Variants in GPC6 observed in about 807,000 individuals in gnomAD.
GPC6 encodes glypican-6.
A neutral mutation model predicts 55.2 loss-of-function variants in GPC6; 14 were observed. The ratio of observed to expected loss-of-function variants is 0.25; its 90% confidence interval spans 0.17 to 0.40. The LOEUF is 0.40. Among genes scored for constraint, GPC6 ranks in the 10% least tolerant of loss-of-function variants. The probability of loss-of-function intolerance (pLI) is 1.00; values close to 1 mark genes in which losing one functional copy is unlikely to be tolerated. For synonymous variants in GPC6, 278 were observed against 259.6 expected (o/e 1.07, Z -0.68); for missense variants, 641 against 708.5 (o/e 0.90, Z 1.08).
At chr13:93,424,041 CT>C (rs1471980456) in intron 1 of GPC6, among the ~76,000 whole-genome samples, 1 of 152,128 alleles carries the variant, frequency 6.6e-6, no homozygotes, top group Non-Finnish European at 1.5e-5. Flanking sequence ...TGTGCCGCTT[CT>C]TTTTTCCAGA....
intron 4 of GPC6, among the ~76,000 whole-genome samples, chr13:94,280,663 G>A (rs1892352726): frequency 6.6e-6 from 1 of 152,102 alleles, no homozygotes; most frequent in Non-Finnish European, 1.5e-5. Flanking sequence ...ATTTATCACA[G>A]TGCTTTTTAA....
intron 3 of GPC6, among the ~76,000 whole-genome samples, chr13:93,883,803 T>G (rs748191806): frequency 2.6e-5 from 4 of 152,160 alleles, no homozygotes; most frequent in Non-Finnish European, 4.4e-5. Context: ...ATAATATAAC[T>G]TGGCTCTCTA....
At chr13:93,563,824 A>C (rs1002197187) in intron 2 of GPC6, among the ~76,000 whole-genome samples, 4 of 151,758 alleles carry the variant, frequency 2.6e-5, no homozygotes, top group Admixed American at 6.6e-5. Context: ...TTAGGAAATT[A>C]TAAAAACTCT....
intron 1 of GPC6, among the ~76,000 whole-genome samples, chr13:93,331,268 C>T (rs1480923290): frequency 6.6e-6 from 1 of 152,154 alleles, no homozygotes; most frequent in Non-Finnish European, 1.5e-5. Context: ...ATATATCCAT[C>T]ATTTCTGTCC....
intron 1 of GPC6, among the ~76,000 whole-genome samples, chr13:93,412,238 A>G (rs1343338754): frequency 6.6e-6 from 1 of 151,994 alleles, no homozygotes; most frequent in Non-Finnish European, 1.5e-5. Context: ...ATGTCAACCA[A>G]CTCCATTTTC....
intron 2 of GPC6, among the ~76,000 whole-genome samples, chr13:93,557,613 C>G (rs1875549887): frequency 6.6e-6 from 1 of 152,154 alleles, no homozygotes; most frequent in Non-Finnish European, 1.5e-5. Flanking sequence ...AAACCTTTTA[C>G]TAAGAGAAGT....
rs185590791 is a variant in GPC6 at position 94,314,106 on chromosome 13, G to A, written c.1152+7983G>A. 2.2e-3 allele frequency among the ~76,000 whole-genome samples: 331 copies of A among 152,312 alleles called. 3 individuals are homozygous for A. Among genetic ancestry groups the A allele is most frequent in the Non-Finnish European group, 2.3e-3 (158 of 68,036 alleles). On this transcript the variant is annotated intron_variant, in intron 6 of 8. Coordinates refer to ENST00000377047, the MANE Select transcript of GPC6 (RefSeq NM_005708.5). Reference sequence around the variant, plus strand: ...TAGTGCTGGCGTCATCAAAAGGCAAGTGACTGTTTAGAAAAGCCGTTACTT... The same window carrying A: ...TAGTGCTGGCGTCATCAAAAGGCAAATGACTGTTTAGAAAAGCCGTTACTT...
chr13:93,780,926 T>C (rs1391392956), intron 2 of GPC6, among the ~76,000 whole-genome samples: 1 of 152,176 alleles, frequency 6.6e-6, no homozygotes, highest in Non-Finnish European at 1.5e-5. Context: ...AAAGTACTGT[T>C]ATAGGCATAG....
At chr13:94,143,952 G>C (rs1179637516) in intron 4 of GPC6, among the ~76,000 whole-genome samples, 4 of 152,154 alleles carry the variant, frequency 2.6e-5, no homozygotes, top group Non-Finnish European at 5.9e-5. Context: ...GGACATCAGC[G>C]ATTGTCACGT....
the GPC6 span, among the ~76,000 whole-genome samples, chr13:93,219,460 A>G: frequency 6.6e-6 from 1 of 152,196 alleles, no homozygotes; most frequent in Non-Finnish European, 1.5e-5. Flanking sequence ...GTATGTGACT[A>G]TAGCCAATGA....
Position 93,227,612 on chromosome 13 carries a change from C to T in GPC6, c.156C>T (p.Ile52=), listed in dbSNP as rs1010326818. 2.5e-6 allele frequency: 4 copies of T among 1,601,048 alleles called. No homozygotes were observed. The Admixed American group carries it at 6.7e-5, about 27-fold the overall frequency. ...FSLADIPYQE[I]AGEHLRICPQ... is the part of the protein sequence containing the mutation. ...TGGCGGACATCCCCTACCAGGAGATCGCAGGTAAGCGCGGGCGCGCTGCAG... is the reference window on the plus strand; with the variant it reads ...TGGCGGACATCCCCTACCAGGAGATTGCAGGTAAGCGCGGGCGCGCTGCAG... The change falls in exon 1 of 9, where the codon ATC becomes ATT. Residue 52 remains isoleucine (I), a synonymous_variant. Coordinates refer to ENST00000377047, the MANE Select transcript of GPC6 (RefSeq NM_005708.5). The surrounding 1 kb of genome is among the most constrained non-coding windows in gnomAD (Gnocchi z 4.3).
chr13:93,558,008 G>A (rs1288904531), intron 2 of GPC6, among the ~76,000 whole-genome samples: 1 of 151,972 alleles, frequency 6.6e-6, no homozygotes, highest in Non-Finnish European at 1.5e-5. Flanking sequence ...ATGACATTAT[G>A]TCAAGTTTTA....
intron 3 of GPC6, among the ~76,000 whole-genome samples, chr13:93,881,000 T>C (rs530300801): frequency 3.9e-5 from 6 of 152,236 alleles, no homozygotes; most frequent in Admixed American, 2.6e-4. Context: ...TAACCCCGTA[T>C]TCTTTTCAAT....
At chr13:94,401,023 A>G (rs1881107864) in intron 8 of GPC6, among the ~76,000 whole-genome samples, 1 of 152,114 alleles carries the variant, frequency 6.6e-6, no homozygotes, top group Admixed American at 6.5e-5. Flanking sequence ...ATCAGGCATC[A>G]TTGGCAGCAC....
chr13:93,424,426 C>T (rs1877043675), intron 1 of GPC6, among the ~76,000 whole-genome samples: 1 of 152,046 alleles, frequency 6.6e-6, no homozygotes, highest in South Asian at 2.1e-4. Flanking sequence ...GCAGCCAACC[C>T]TTCTGGCAGC....
intron 2 of GPC6, among the ~76,000 whole-genome samples, chr13:93,679,947 A>C (rs7326436): frequency 0.49 from 74,116 of 151,928 alleles, 20,168 homozygotes; most frequent in Middle Eastern, 0.75. Flanking sequence ...CAAGGAAGGA[A>C]ATGTAGCTTC....
chr13:93,910,772 A>T (rs552067780), intron 3 of GPC6, among the ~76,000 whole-genome samples: 1 of 152,226 alleles, frequency 6.6e-6, no homozygotes, highest in Non-Finnish European at 1.5e-5. Flanking sequence ...CATTAAATAC[A>T]TCACCAACCC....
intron 1 of GPC6, among the ~76,000 whole-genome samples, chr13:93,467,575 C>CTTTTTTTTTTTTTTTTTTT (rs11426472): frequency 1.4e-5 from 1 of 74,020 alleles, no homozygotes; most frequent in Non-Finnish European, 2.4e-5. Flanking sequence ...AGCTGTGATT[C>CTTTTTTTTTTTTTTTTTTT]TTTTTTTTTT....
In GPC6 at chr13:93,234,946, A is replaced by G. The variant is rs142780085; in HGVS notation, c.160+7330A>G. On this transcript the variant is annotated intron_variant, in intron 1 of 8. Transcript: ENST00000377047. Reference sequence around the variant, plus strand: ...TGCTAACTCTCAAAAGTGTAGAACTATCAAAATACATGTAATCAGCTACAA... The same window carrying G: ...TGCTAACTCTCAAAAGTGTAGAACTGTCAAAATACATGTAATCAGCTACAA... Among the ~76,000 whole-genome samples, 6 of 152,274 alleles carry G rather than the reference A, an allele frequency of 3.9e-5. No individual in the cohort carries two copies. In the East Asian group the frequency reaches 5.8e-4, roughly 15 times the overall value.
Sources: allele counts gnomAD v4.1 joint callset (sites outside exome capture counted in the v4.1 genomes callset), GRCh38; gene constraint gnomAD v4.1.1; non-coding constraint Gnocchi (gnomAD v3.1); transcripts MANE v1.5; gene names NCBI Gene and HGNC (gene_info 2026-07-23, HGNC 2026-07-21).